Variants in FBXO34 observed in about 807,000 individuals in gnomAD.
FBXO34 encodes F-box protein 34, also known as F-box only protein 34.
Under a neutral mutation model 24.5 loss-of-function variants are expected in FBXO34, and 12 were observed. That is an observed-to-expected ratio of 0.49 (90% CI 0.31 to 0.79). The LOEUF (loss-of-function observed/expected upper bound fraction) is 0.79. FBXO34 is among the 30% of genes least tolerant of loss of function. FBXO34 has a pLI of 0.04. For synonymous variants in FBXO34, 320 were observed against 311.9 expected (o/e 1.03, Z -0.27); for missense variants, 823 against 857.7 (o/e 0.96, Z 0.51).
chr14:55,341,178 ACTAAG>A (rs1006252735), intron 1 of FBXO34, among the ~76,000 whole-genome samples: 6 of 152,202 alleles, frequency 3.9e-5, no homozygotes, highest in Non-Finnish European at 7.3e-5. Context: ...AAGGTAAACT[ACTAAG>A]AGGAAACATT....
exon 3 of FBXO34, chr14:55,367,928 C>G (rs1367745807): frequency 1.3e-5 from 2 of 152,526 alleles, no homozygotes; most frequent in African/African-American, 4.8e-5. Context: ...GACTTGGAGG[C>G]AAAGTATCAA....
intron 1 of FBXO34, among the ~76,000 whole-genome samples, chr14:55,325,590 C>T (rs1166785008): frequency 6.6e-6 from 1 of 152,160 alleles, no homozygotes. Context: ...ATTCTTCTGC[C>T]TCAGCCTCCT....
At chr14:55,389,346 G>A in the FBXO34 span, among the ~76,000 whole-genome samples, 1 of 152,334 alleles carries the variant, frequency 6.6e-6, no homozygotes, top group East Asian at 1.9e-4. Flanking sequence ...TGTTGCTACT[G>A]AACAAAGAGC....
the FBXO34 span, chr14:55,411,766 G>A: frequency 1.2e-6 from 2 of 1,606,348 alleles, no homozygotes; most frequent in Non-Finnish European, 1.7e-6. Flanking sequence ...CGAGCGGCCG[G>A]GGCCCGCAGC....
At chr14:55,281,234 A>G (rs1451353099) in intron 1 of FBXO34, among the ~76,000 whole-genome samples, 19 of 143,680 alleles carry the variant, frequency 1.3e-4, no homozygotes, top group Admixed American at 1.3e-3. Flanking sequence ...AGCCTGGATG[A>G]CAGAGTGAGA....
At chr14:55,395,178 C>T in the FBXO34 span, 1 of 442,410 alleles carries the variant, frequency 2.3e-6, no homozygotes, top group East Asian at 6.9e-5. Flanking sequence ...TGCCGATCTC[C>T]TCTTGGGCTC....
In FBXO34 at chr14:55,352,106, G is replaced by A; in HGVS notation, c.1716G>A (p.Gln572=). The A allele has an allele frequency of 6.2e-7, 1 of 1,614,180 alleles. No individual in the cohort carries two copies. ...RFKIQQLLEP[Q]QYMAFLPHHI... is the part of the protein sequence containing the mutation. ...AAATCCAGCAGCTTTTGGAGCCTCA[G>A]CAGTACATGGCTTTTCTGCCCCACC... The change falls in exon 2 of 2, where the codon CAG becomes CAA. Residue 572 remains glutamine, a synonymous_variant. Transcript: ENST00000313833.
the FBXO34 span, among the ~76,000 whole-genome samples, chr14:55,382,903 A>G: frequency 6.6e-6 from 1 of 152,242 alleles, no homozygotes; most frequent in East Asian, 1.9e-4. Context: ...AATATAAATA[A>G]TTCATTCAAA....
At chr14:55,356,730 T>C (rs901734630), downstream of FBXO34, among the ~76,000 whole-genome samples, 5 of 152,078 alleles carry the variant, frequency 3.3e-5, no homozygotes, top group Admixed American at 6.6e-5. Context: ...AGTGCTGGGA[T>C]TACAGGCGTG....
the FBXO34 span, among the ~76,000 whole-genome samples, chr14:55,442,349 A>C: frequency 6.6e-6 from 1 of 150,810 alleles, no homozygotes; most frequent in African/African-American, 2.4e-5. Flanking sequence ...AGATCATGTC[A>C]CTGCACTCCA....
At chr14:55,340,984 T>G (rs1470386339) in intron 1 of FBXO34, among the ~76,000 whole-genome samples, 1 of 152,170 alleles carries the variant, frequency 6.6e-6, no homozygotes, top group Non-Finnish European at 1.5e-5. Flanking sequence ...TTTAAAAAAT[T>G]TATGTTTACA....
chr14:55,316,605 A>G (rs926141469), intron 1 of FBXO34, among the ~76,000 whole-genome samples: 2 of 149,992 alleles, frequency 1.3e-5, no homozygotes, highest in African/African-American at 4.9e-5. Flanking sequence ...GCACATGTCT[A>G]TAGTCCCACC....
the FBXO34 span, chr14:55,414,037 C>T: frequency 1.8e-6 from 1 of 544,146 alleles, no homozygotes. Context: ...GGTGCCTCAC[C>T]TCTTTCCCTT....
chr14:55,411,925 A>AAGGGGGGCTGG, the FBXO34 span: 2 of 1,136,222 alleles, frequency 1.8e-6, no homozygotes, highest in Non-Finnish European at 2.5e-6. Flanking sequence ...GATGCCGGCG[A>AAGGGGGGCTGG]GCCCCCGGAC....
chr14:55,372,222 A>T (rs976005876), downstream of FBXO34, among the ~76,000 whole-genome samples: 1 of 152,028 alleles, frequency 6.6e-6, no homozygotes, highest in African/African-American at 2.4e-5. Context: ...GCTACCTGTT[A>T]TCATTAAATA....
chr14:55,341,735 A>G (rs900501190), intron 1 of FBXO34, among the ~76,000 whole-genome samples: 3 of 152,126 alleles, frequency 2.0e-5, no homozygotes, highest in East Asian at 1.9e-4. Flanking sequence ...TAGGCTTTTC[A>G]TTTGCCTGCT....
chr14:55,285,433 G>A (rs1438487964), intron 1 of FBXO34: 1 of 152,192 alleles, frequency 6.6e-6, no homozygotes, highest in Non-Finnish European at 1.5e-5. Flanking sequence ...ACCTAAGGTG[G>A]GGTGAAGGGA....
chr14:55,274,585 G>C (rs1881272006), intron 1 of FBXO34, among the ~76,000 whole-genome samples: 1 of 152,214 alleles, frequency 6.6e-6, no homozygotes. Flanking sequence ...CCATCTTTCT[G>C]ATGGATAAAA....
chr14:55,433,313 T>C, the FBXO34 span, among the ~76,000 whole-genome samples: 4 of 107,270 alleles, frequency 3.7e-5, 1 homozygote, highest in Middle Eastern at 4.3e-3. Flanking sequence ...ATTTCTCTTT[T>C]TTTTTTTTTT....
Sources: gnomAD v4.1 joint callset for allele counts (sites outside exome capture counted in the v4.1 genomes callset) on GRCh38, gnomAD v4.1.1 for gene constraint, MANE v1.5 for transcripts, NCBI Gene and HGNC (gene_info 2026-07-23, HGNC 2026-07-21) for gene names.